PALM2AKAP2: variants seen among roughly 807,000 people sequenced by gnomAD.
The protein encoded by PALM2AKAP2 is PALM2 and AKAP2 fusion.
A neutral mutation model predicts 71.5 loss-of-function variants in PALM2AKAP2; 37 were observed. The ratio of observed to expected loss-of-function variants is 0.52; its 90% confidence interval spans 0.40 to 0.68. The LOEUF (loss-of-function observed/expected upper bound fraction) is 0.68. Among genes scored for constraint, PALM2AKAP2 ranks in the 30% least tolerant of loss-of-function variants. The probability of loss-of-function intolerance (pLI) is 0.00; values close to 1 mark genes in which losing one functional copy is unlikely to be tolerated. For synonymous variants in PALM2AKAP2, 468 were observed against 478.8 expected (o/e 0.98, Z 0.29); for missense variants, 1,224 against 1,191.8 (o/e 1.03, Z -0.40).
chr9:109,897,820 A>G (rs1830237990), intron 3 of PALM2AKAP2, among the ~76,000 whole-genome samples: 1 of 152,216 alleles, frequency 6.6e-6, no homozygotes, highest in South Asian at 2.1e-4. Flanking sequence ...AGGATTCCTA[A>G]TCACATTTTT....
At chr9:109,724,656 A>G (rs1240100052) in intron 1 of PALM2AKAP2, among the ~76,000 whole-genome samples, 1 of 152,160 alleles carries the variant, frequency 6.6e-6, no homozygotes, top group African/African-American at 2.4e-5. Flanking sequence ...ATTTTGTGTT[A>G]CTCATTTTAT....
Position 110,027,572 on chromosome 9 carries a change from C to G in PALM2AKAP2, c.582+11533C>G, listed in dbSNP as rs1018715843. Among the ~76,000 whole-genome samples the G allele has an allele frequency of 3.3e-5, 5 of 152,216 alleles. No individual in the cohort carries two copies. The East Asian group carries it at 9.7e-4, about 29-fold the overall frequency. ...TTGAACAAGAAACAAGGTTGGTAGCCCTTAGGCAAACTAGAGATTCTGGCT... is the reference window on the plus strand; with the variant it reads ...TTGAACAAGAAACAAGGTTGGTAGCGCTTAGGCAAACTAGAGATTCTGGCT... On this transcript the variant is annotated intron_variant, in intron 7 of 9. Transcript: ENST00000302798.
chr9:109,871,344 A>G (rs1587975404), intron 2 of PALM2AKAP2, among the ~76,000 whole-genome samples: 1 of 152,170 alleles, frequency 6.6e-6, no homozygotes, highest in East Asian at 1.9e-4. Context: ...AAACCTCAAG[A>G]TACTTTGAAC....
chr9:109,918,188 A>C (rs1426785159), intron 3 of PALM2AKAP2, among the ~76,000 whole-genome samples: 1 of 152,242 alleles, frequency 6.6e-6, no homozygotes, highest in Non-Finnish European at 1.5e-5. Flanking sequence ...AGTGCTCAGC[A>C]TAGTGCCTGA....
chr9:109,933,733 T>A (rs1376065824), intron 6 of PALM2AKAP2, among the ~76,000 whole-genome samples: 2 of 152,252 alleles, frequency 1.3e-5, no homozygotes, highest in Admixed American at 1.3e-4. Context: ...ATTTTACATA[T>A]GTTTCTGCTG....
intron 1 of PALM2AKAP2, among the ~76,000 whole-genome samples, chr9:110,072,016 T>C (rs1834217753): frequency 6.6e-6 from 1 of 152,248 alleles, no homozygotes; most frequent in African/African-American, 2.4e-5. Context: ...TAGTAGTTCA[T>C]ATTATTAACT....
intron 1 of PALM2AKAP2, among the ~76,000 whole-genome samples, chr9:109,823,828 T>C (rs1828074124): frequency 6.6e-6 from 1 of 152,244 alleles, no homozygotes; most frequent in Non-Finnish European, 1.5e-5. Flanking sequence ...TTTTGCATTG[T>C]AATCTTAACA....
intron 5 of PALM2AKAP2, among the ~76,000 whole-genome samples, chr9:109,929,169 G>GTTTTTTTTTTTT (rs35064231): frequency 1.5e-5 from 2 of 137,756 alleles, no homozygotes; most frequent in African/African-American, 2.7e-5. Flanking sequence ...TCTGTAAGTA[G>GTTTTTTTTTTTT]TTTTTTTTTT....
upstream of PALM2AKAP2, among the ~76,000 whole-genome samples, chr9:110,043,716 G>GTTTTTTTTTTT (rs61128628): frequency 1.1e-5 from 1 of 91,582 alleles, no homozygotes; most frequent in Non-Finnish European, 2.0e-5. Context: ...TTTTTTTGGT[G>GTTTTTTTTTTT]TTTTTTTTTT....
At chr9:109,974,165 C>T (rs1054257159) in intron 6 of PALM2AKAP2, among the ~76,000 whole-genome samples, 2 of 152,196 alleles carry the variant, frequency 1.3e-5, no homozygotes, top group African/African-American at 4.8e-5. Context: ...GATGACTGCA[C>T]AGAATGTAAG....
At chr9:109,751,888 T>C (rs1180522857) in intron 1 of PALM2AKAP2, among the ~76,000 whole-genome samples, 1 of 152,194 alleles carries the variant, frequency 6.6e-6, no homozygotes, top group Non-Finnish European at 1.5e-5. Flanking sequence ...TTCCCAAGGA[T>C]ACCCTTTTTC....
chr9:109,647,533 G>A (rs1351954533), intron 1 of PALM2AKAP2, among the ~76,000 whole-genome samples: 3 of 152,186 alleles, frequency 2.0e-5, no homozygotes, highest in Non-Finnish European at 4.4e-5. Flanking sequence ...GCCTCCGGAA[G>A]TATTGTATCC....
At chr9:110,003,693 C>T (rs1289816640) in intron 6 of PALM2AKAP2, among the ~76,000 whole-genome samples, 2 of 152,106 alleles carry the variant, frequency 1.3e-5, no homozygotes, top group East Asian at 1.9e-4. Context: ...TAAGGACTTG[C>T]TTTATGAATC....
At chr9:110,074,166 A>G (rs1281120239) in intron 1 of PALM2AKAP2, among the ~76,000 whole-genome samples, 2 of 152,228 alleles carry the variant, frequency 1.3e-5, no homozygotes, top group Admixed American at 6.5e-5. Flanking sequence ...GGGATGTTCA[A>G]CAAAATAACT....
intron 7 of PALM2AKAP2, among the ~76,000 whole-genome samples, chr9:110,035,347 ATAT>A (rs889860503): frequency 9.4e-5 from 7 of 74,674 alleles, no homozygotes; most frequent in East Asian, 5.0e-4. Context: ...CATATTATAT[ATAT>A]TATATGTATA....
At chr9:110,168,668 T>A in exon 4 of PALM2AKAP2, 1 of 725,198 alleles carries the variant, frequency 1.4e-6, no homozygotes, top group Non-Finnish European at 2.1e-6. Flanking sequence ...GAAAAGGAAG[T>A]CCCCCCATCA....
Position 109,717,566 on chromosome 9 carries a change from G to A in PALM2AKAP2, c.6-62922G>A, listed in dbSNP as rs536022223. Among the ~76,000 whole-genome samples the A allele has an allele frequency of 2.0e-4, 31 of 152,342 alleles. 1 individual carries two copies. In the South Asian group the frequency reaches 6.2e-3, roughly 31 times the overall value. ...AAGTACAGGCCAAAGAGGCAGATGA[G>A]TCATCATATAAAGATAGCACTAGAC... On this transcript the variant is annotated intron_variant, in intron 1 of 6. Coordinates refer to the PALM2AKAP2 transcript ENST00000374531.
intron 1 of PALM2AKAP2, among the ~76,000 whole-genome samples, chr9:110,097,346 CT>C (rs1485212622): frequency 6.8e-6 from 1 of 146,832 alleles, no homozygotes; most frequent in Non-Finnish European, 1.5e-5. Flanking sequence ...TCTCCCATGT[CT>C]ACCTCTTTCT....
rs189998749 is a variant in PALM2AKAP2, at chr9:110,020,671, G to A, written c.582+4632G>A. Reference sequence around the variant, plus strand: ...GCACTCCAGCCTGCATGACCAGAGTGAGACTCCATCTCAAAACAAAAAACA... The same window carrying A: ...GCACTCCAGCCTGCATGACCAGAGTAAGACTCCATCTCAAAACAAAAAACA... On this transcript the variant is annotated intron_variant, in intron 7 of 9. Coordinates refer to the PALM2AKAP2 transcript ENST00000302798. Among the ~76,000 whole-genome samples the A allele has an allele frequency of 5.3e-5, 8 of 151,690 alleles. No homozygotes were observed. In the East Asian group the frequency reaches 1.4e-3, roughly 26 times the overall value.
Sources: gnomAD v4.1 joint callset for allele counts (sites outside exome capture counted in the v4.1 genomes callset) on GRCh38, gnomAD v4.1.1 for gene constraint, MANE v1.5 for transcripts, NCBI Gene and HGNC (gene_info 2026-07-23, HGNC 2026-07-21) for gene names.